SHTN1: variants seen among roughly 807,000 people sequenced by gnomAD.
SHTN1 encodes shootin-1.
In SHTN1, 42 loss-of-function variants were observed where a neutral mutation model predicts 83.1. The observed-to-expected ratio is 0.51, with a 90% CI of 0.39 to 0.65. SHTN1 has a LOEUF of 0.65. Among genes scored for constraint, SHTN1 ranks in the 30% least tolerant of loss-of-function variants. The pLI, the probability that SHTN1 is intolerant of heterozygous loss-of-function variation, is 0.00. For synonymous variants in SHTN1, 224 were observed against 247.7 expected (o/e 0.90, Z 0.90); for missense variants, 622 against 737.8 (o/e 0.84, Z 1.82).
intron 11 of SHTN1, 41 bp downstream of exon 11, chr10:116,927,748 GAGA>G (rs1564880820): frequency 6.8e-7 from 1 of 1,464,142 alleles, no homozygotes; most frequent in Admixed American, 2.5e-5. Flanking sequence ...CAATCTGATG[GAGA>G]AGAACATTTG....
chr10:116,911,429 A>C, intron 14 of SHTN1: 1 of 1,535,324 alleles, frequency 6.5e-7, no homozygotes, highest in Non-Finnish European at 8.8e-7. Flanking sequence ...TTAGGCTTCA[A>C]AGTAAAGCAT....
upstream of SHTN1, chr10:117,005,673 G>T: frequency 1.3e-6 from 1 of 784,286 alleles, no homozygotes; most frequent in Non-Finnish European, 1.5e-6. Flanking sequence ...CGGGCCCAGG[G>T]TGGTACATTT....
At position 116,881,875 on chromosome 10, in the gene SHTN1, C is replaced by A; in HGVS notation, c.*4469G>T. 1 of 415,072 alleles carries A rather than the reference C, an allele frequency of 2.4e-6. No individual in the cohort carries two copies. Among genetic ancestry groups the A allele is most frequent in the South Asian group, 9.9e-5 (1 of 10,068 alleles). 25.7% of individuals were successfully genotyped at this position (415,072 alleles called of 1,614,324 possible). Reference sequence around the variant, plus strand: ...TGAACTTCGTTTTGCAGCCACCACACTTCCATGTGGATTTTGTTTGTCTAT... The same window carrying A: ...TGAACTTCGTTTTGCAGCCACCACAATTCCATGTGGATTTTGTTTGTCTAT... On this transcript the variant is annotated 3_prime_UTR_variant, in exon 17 of 17. Transcript: ENST00000355371.
chr10:117,113,414 G>A (rs543685461), intron 1 of SHTN1, among the ~76,000 whole-genome samples: 8 of 152,256 alleles, frequency 5.3e-5, no homozygotes, highest in African/African-American at 1.4e-4. Context: ...TCAGGATTAG[G>A]TCTCAAGGAC....
At chr10:116,927,540 T>C (rs116552194) in intron 11 of SHTN1, among the ~76,000 whole-genome samples, 2 of 152,114 alleles carry the variant, frequency 1.3e-5, no homozygotes, top group Non-Finnish European at 2.9e-5. Flanking sequence ...TGAGATTCAC[T>C]ATCATGAGAA....
intron 1 of SHTN1, among the ~76,000 whole-genome samples, chr10:117,059,135 T>G (rs1852865988): frequency 6.6e-6 from 1 of 152,146 alleles, no homozygotes; most frequent in Non-Finnish European, 1.5e-5. Context: ...ATGATAAATT[T>G]TATGTTATTT....
chr10:116,939,754 A>G (rs894456496), intron 9 of SHTN1, among the ~76,000 whole-genome samples: 6 of 152,268 alleles, frequency 3.9e-5, no homozygotes, highest in African/African-American at 9.6e-5. Context: ...GGTAACAAGT[A>G]GCAGCTAACA....
intron 3 of SHTN1, among the ~76,000 whole-genome samples, chr10:116,964,583 C>T (rs1382118134): frequency 2.0e-5 from 3 of 152,222 alleles, no homozygotes; most frequent in Non-Finnish European, 4.4e-5. Context: ...CACACTACTT[C>T]AAAAGTTTTC....
intron 2 of SHTN1, among the ~76,000 whole-genome samples, chr10:117,028,135 T>G (rs958712367): frequency 2.6e-5 from 4 of 152,202 alleles, no homozygotes; most frequent in African/African-American, 9.6e-5. Flanking sequence ...CTTGGCTACA[T>G]TGTGTCCCCG....
chr10:117,069,152 C>CA (rs1373238106), intron 1 of SHTN1, among the ~76,000 whole-genome samples: 1 of 152,024 alleles, frequency 6.6e-6, no homozygotes, highest in African/African-American at 2.4e-5. Flanking sequence ...TCTCAGAAGC[C>CA]AAGGGAAGAG....
chr10:116,983,573 G>A (rs1033914953), intron 1 of SHTN1, among the ~76,000 whole-genome samples: 1 of 151,980 alleles, frequency 6.6e-6, no homozygotes, highest in South Asian at 2.1e-4. Flanking sequence ...TCATATAGAT[G>A]CCTCGCCCCT....
At chr10:117,106,890 T>A (rs1236137056) in intron 1 of SHTN1, among the ~76,000 whole-genome samples, 1 of 152,206 alleles carries the variant, frequency 6.6e-6, no homozygotes, top group Non-Finnish European at 1.5e-5. Flanking sequence ...TCTCTGTATC[T>A]CATTTTCCTC....
At position 116,886,474 on chromosome 10, in the gene SHTN1, T is replaced by C; in HGVS notation, c.1766A>G (p.Glu589Gly). 1.2e-6 allele frequency: 2 copies of C among 1,614,116 alleles called. No individual in the cohort carries two copies. Among genetic ancestry groups the C allele is most frequent in the Non-Finnish European group, 1.7e-6 (2 of 1,180,002 alleles). ...AGCAACCTGGTCTTTGGTTTGGGGT[T>C]CATGTGTAGAAACAGGATCTAAAAC... ...VVVLDPVSTH[E>G]PQTKDQVAEK... The change falls in exon 17 of 17, where the codon GAA becomes GGA. Residue 589 changes from glutamate to glycine, a missense_variant. By Grantham distance (98) the Glu-to-Gly change is moderately conservative. This residue lies in a region of SHTN1 where 231 missense variants were observed against 251.6 expected (regional missense o/e 0.92). Coordinates refer to ENST00000355371, the MANE Select transcript of SHTN1 (RefSeq NM_001127211.3).
rs1185216161 is a variant in SHTN1, at chr10:116,948,997, C to T, written c.535G>A (p.Val179Ile). The T allele has an allele frequency of 6.5e-7, 1 of 1,548,362 alleles. No individual in the cohort carries two copies. ...GTCTTTTCTTGTTTAACTTTATTTA[C>T]CTAAAAATGTGAAATTTTGAGGGGA... ...KSKLVEVIEEVNKVKQEKTVL... is the reference protein window; with the variant it reads ...KSKLVEVIEEINKVKQEKTVL... The change falls in exon 7 of 17, where the codon GTA becomes ATA. Residue 179 changes from valine to isoleucine, a missense_variant and splice_region_variant. Coordinates refer to ENST00000355371, the MANE Select transcript of SHTN1 (RefSeq NM_001127211.3).
At chr10:117,082,605 CT>C (rs1853288005) in intron 1 of SHTN1, among the ~76,000 whole-genome samples, 1 of 151,976 alleles carries the variant, frequency 6.6e-6, no homozygotes, top group Non-Finnish European at 1.5e-5. Flanking sequence ...GAATTTCTGT[CT>C]CATTGATCTG....
At chr10:116,894,839 T>G (rs1847458697) in intron 16 of SHTN1, among the ~76,000 whole-genome samples, 1 of 152,212 alleles carries the variant, frequency 6.6e-6, no homozygotes, top group South Asian at 2.1e-4. Context: ...ATAAGATGGT[T>G]TCAGGGGAGA....
intron 1 of SHTN1, among the ~76,000 whole-genome samples, chr10:117,104,185 T>C (rs1853641842): frequency 6.6e-6 from 1 of 152,178 alleles, no homozygotes; most frequent in Non-Finnish European, 1.5e-5. Context: ...CATTTCTGTC[T>C]AGCACGTTGT....
chr10:116,964,642 C>T (rs1850324922), intron 3 of SHTN1, among the ~76,000 whole-genome samples: 2 of 152,176 alleles, frequency 1.3e-5, no homozygotes, highest in South Asian at 2.1e-4. Context: ...GTAGGAAAAT[C>T]GGTGTGTCCT....
At chr10:116,928,228 A>C (rs115659702) in intron 10 of SHTN1, among the ~76,000 whole-genome samples, 2,887 of 152,348 alleles carry the variant, frequency 0.019, 86 homozygotes, top group African/African-American at 0.065. Flanking sequence ...TCAAACACTA[A>C]GAAATTGTTA....
Sources: gnomAD v4.1 joint callset for allele counts (sites outside exome capture counted in the v4.1 genomes callset) on GRCh38, gnomAD v4.1.1 for gene constraint, gnomAD v4.1.1 regional missense constraint, MANE v1.5 for transcripts, NCBI Gene and HGNC (gene_info 2026-07-23, HGNC 2026-07-21) for gene names.